The following LRP1B variants were observed in gnomAD, a reference collection of about 807,000 sequenced individuals.
LRP1B encodes low-density lipoprotein receptor-related protein 1B.
Under a neutral mutation model 556.6 loss-of-function variants are expected in LRP1B, and 217 were observed. The observed-to-expected ratio is 0.39, with a 90% CI of 0.35 to 0.44. LRP1B has a LOEUF of 0.44. Among genes scored for constraint, LRP1B ranks in the 20% least tolerant of loss-of-function variants. The pLI is 1.00. For missense variants in LRP1B, 5,053 were observed against 5,620.8 expected (o/e 0.90, Z 3.23); for synonymous variants, 2,047 against 1,865.8 (o/e 1.10, Z -2.50).
chr2:141,490,326 G>A (rs1241978356), intron 2 of LRP1B, among the ~76,000 whole-genome samples: 2 of 149,480 alleles, frequency 1.3e-5, no homozygotes, highest in Non-Finnish European at 3.0e-5. Context: ...TTTACTGAAG[G>A]GTTTTAGATC....
chr2:140,746,914 A>G (rs1688334199), intron 35 of LRP1B, among the ~76,000 whole-genome samples: 1 of 152,190 alleles, frequency 6.6e-6, no homozygotes, highest in Non-Finnish European at 1.5e-5. Context: ...CCTTTCAAAC[A>G]GACTTATGAA....
At chr2:141,979,205 G>T (rs1013842059) in intron 1 of LRP1B, among the ~76,000 whole-genome samples, 2 of 151,948 alleles carry the variant, frequency 1.3e-5, no homozygotes, top group African/African-American at 4.8e-5. Context: ...GACCTAAATT[G>T]TACAACTCCT....
intron 84 of LRP1B, among the ~76,000 whole-genome samples, chr2:140,295,864 G>C (rs1465261928): frequency 6.6e-6 from 1 of 152,008 alleles, no homozygotes; most frequent in African/African-American, 2.4e-5. Flanking sequence ...AGATACTTTG[G>C]GGCAAAGAGA....
At chr2:140,665,680 T>G (rs1426882828) in intron 41 of LRP1B, among the ~76,000 whole-genome samples, 1 of 152,096 alleles carries the variant, frequency 6.6e-6, no homozygotes, top group Non-Finnish European at 1.5e-5. Flanking sequence ...AGAAAACAAC[T>G]TTACATGTAG....
chr2:141,686,431 C>A (rs1351413049), intron 2 of LRP1B, among the ~76,000 whole-genome samples: 4 of 151,814 alleles, frequency 2.6e-5, no homozygotes, highest in South Asian at 2.1e-4. Context: ...TATATACATA[C>A]CTTAGCTAGT....
intron 20 of LRP1B, among the ~76,000 whole-genome samples, chr2:140,939,833 A>G (rs1695343462): frequency 6.6e-6 from 1 of 151,404 alleles, no homozygotes; most frequent in African/African-American, 2.4e-5. Flanking sequence ...AATTTTTTTT[A>G]GGAAAAACAT....
chr2:141,437,084 A>G lies in LRP1B; in HGVS notation c.343+43312T>C, dbSNP rs575990502. Among the ~76,000 whole-genome samples, 8 of 152,260 alleles carry G rather than the reference A, an allele frequency of 5.3e-5. No individual in the cohort carries two copies. The South Asian group carries it at 1.7e-3, about 32-fold the overall frequency. On this transcript the variant is annotated intron_variant, in intron 3 of 90. Transcript: ENST00000389484. The stretch of plus-strand genomic sequence containing the variant: ...CTAAATAAACTAATACTCTATCACT[A>G]AAGCACACCCAGGCTATTTAAACCT...
chr2:141,625,915 A>C (rs140606184), intron 2 of LRP1B, among the ~76,000 whole-genome samples: 1 of 152,140 alleles, frequency 6.6e-6, no homozygotes, highest in Admixed American at 6.5e-5. Context: ...TAGATTGCAT[A>C]TTTCAAGAGC....
chr2:141,426,012 T>A (rs1395624790), intron 3 of LRP1B, among the ~76,000 whole-genome samples: 1 of 151,582 alleles, frequency 6.6e-6, no homozygotes, highest in Non-Finnish European at 1.5e-5. Flanking sequence ...ATGTCCTGAA[T>A]GGTAATGCCT....
In LRP1B at chr2:142,068,551, T is replaced by C. The variant is rs564996818; in HGVS notation, c.82+62097A>G. Among the ~76,000 whole-genome samples, 20 of 151,624 alleles carry C rather than the reference T, an allele frequency of 1.3e-4. No individual in the cohort carries two copies. In the South Asian group the frequency reaches 1.9e-3, roughly 14 times the overall value. ...AGCTCCTCATCTGTATTTTCCAACATTGTCTTGTCCATTCCCTTGTATTGA... is the reference window on the plus strand; with the variant it reads ...AGCTCCTCATCTGTATTTTCCAACACTGTCTTGTCCATTCCCTTGTATTGA... On this transcript the variant is annotated intron_variant, in intron 1 of 90. Coordinates refer to ENST00000389484, the MANE Select transcript of LRP1B (RefSeq NM_018557.3).
intron 2 of LRP1B, among the ~76,000 whole-genome samples, chr2:141,694,565 C>G (rs200221416): frequency 1.6e-5 from 2 of 122,262 alleles, no homozygotes; most frequent in African/African-American, 6.6e-5. Flanking sequence ...TTCAGTTTGA[C>G]CTTATTCCTG....
intron 51 of LRP1B, 83 bp from the exon 52 acceptor site, chr2:140,510,139 G>T: frequency 6.9e-7 from 1 of 1,457,430 alleles, no homozygotes; most frequent in Non-Finnish European, 9.4e-7. Context: ...TACAGTAAGG[G>T]GGGAAGCAGA....
chr2:141,390,512 T>G (rs1690010777), intron 3 of LRP1B, among the ~76,000 whole-genome samples: 1 of 152,218 alleles, frequency 6.6e-6, no homozygotes, highest in Non-Finnish European at 1.5e-5. Flanking sequence ...GTTGGCATTA[T>G]GCAAAAGATT....
intron 47 of LRP1B, among the ~76,000 whole-genome samples, chr2:140,526,899 A>G (rs1690462346): frequency 1.3e-5 from 2 of 151,748 alleles, no homozygotes. Flanking sequence ...GGGGGGAACC[A>G]CTGAACACTG....
chr2:140,625,148 T>G (rs1683609678), intron 41 of LRP1B, among the ~76,000 whole-genome samples: 2 of 152,146 alleles, frequency 1.3e-5, no homozygotes, highest in South Asian at 4.1e-4. Context: ...ACAATCTAAC[T>G]ACTCTGGAGA....
intron 66 of LRP1B, among the ~76,000 whole-genome samples, chr2:140,419,870 T>C (rs1341877218): frequency 6.6e-6 from 1 of 152,032 alleles, no homozygotes; most frequent in Non-Finnish European, 1.5e-5. Context: ...TAGTCCTGCA[T>C]GGTGGCACAT....
intron 7 of LRP1B, among the ~76,000 whole-genome samples, chr2:141,138,633 A>G (rs1414070734): frequency 6.6e-6 from 1 of 151,856 alleles, no homozygotes; most frequent in Non-Finnish European, 1.5e-5. Context: ...TTAAAGTACC[A>G]TTGAACATAG....
chr2:140,561,972 C>T (rs1197938929), intron 43 of LRP1B, among the ~76,000 whole-genome samples: 1 of 151,596 alleles, frequency 6.6e-6, no homozygotes, highest in African/African-American at 2.4e-5. Context: ...CAAAATAAAC[C>T]AGAAAATACA....
At chr2:141,543,059 C>A (rs995815094) in intron 2 of LRP1B, among the ~76,000 whole-genome samples, 4 of 152,024 alleles carry the variant, frequency 2.6e-5, no homozygotes, top group Non-Finnish European at 5.9e-5. Flanking sequence ...TATCCATATA[C>A]CCTAAATATA....
Sources: allele counts gnomAD v4.1 joint callset (sites outside exome capture counted in the v4.1 genomes callset), GRCh38; gene constraint gnomAD v4.1.1; transcripts MANE v1.5; gene names NCBI Gene and HGNC (gene_info 2026-07-23, HGNC 2026-07-21).